Variants in FURIN observed in about 807,000 individuals in gnomAD.
FURIN encodes the protein furin, paired basic amino acid cleaving enzyme.
FURIN carries 18 observed loss-of-function variants against 89.2 expected under a neutral mutation model. The observed-to-expected ratio is 0.20, with a 90% CI of 0.14 to 0.30. The LOEUF is 0.30. FURIN is among the 10% of genes least tolerant of loss of function. The probability of loss-of-function intolerance (pLI) is 1.00; values close to 1 mark genes in which losing one functional copy is unlikely to be tolerated. For missense variants in FURIN, 879 were observed against 1,100.5 expected (o/e 0.80, Z 2.85); for synonymous variants, 508 against 466.4 (o/e 1.09, Z -1.15).
intron 1 of FURIN, among the ~76,000 whole-genome samples, chr15:90,869,964 T>C (rs2031211869): frequency 1.3e-5 from 2 of 152,222 alleles, no homozygotes; most frequent in Admixed American, 1.3e-4. Flanking sequence ...CAACTGTGGC[T>C]GGCGCTACCC....
chr15:90,875,719 G>A lies in FURIN; in HGVS notation c.-22G>A. 2 of 1,518,086 alleles carry A rather than the reference G, an allele frequency of 1.3e-6. No homozygotes were observed. The highest frequency in any genetic ancestry group is 1.8e-6 in the Non-Finnish European group (2 of 1,128,354). The allele number at this position is 1,518,086 out of a possible 1,614,324, so 94.0% of individuals were successfully genotyped here. A position where few individuals can be genotyped will look rare whatever the true frequency, so the allele number is the denominator to read the frequency against. ...AGGCCAAGGAGACGGGCGCTCCAGG[G>A]TCCCAGCCACCTGTCCCCCCCATGG... On this transcript the variant is annotated 5_prime_UTR_variant, in exon 2 of 16. Transcript: ENST00000268171.
chr15:90,877,350 GA>G, intron 6 of FURIN, 139 bp downstream of exon 6: 1 of 937,052 alleles, frequency 1.1e-6, no homozygotes, highest in Non-Finnish European at 1.6e-6. Flanking sequence ...GGCTCTGAGG[GA>G]GGGCTCGGTC....
At position 90,877,231 on chromosome 15, in the gene FURIN, G is replaced by A. The variant is rs757969428; in HGVS notation, c.578+20G>A. 133 of 1,563,146 alleles carry A rather than the reference G, an allele frequency of 8.5e-5. No individual in the cohort carries two copies. Among genetic ancestry groups the A allele is most frequent in the South Asian group, 7.6e-4 (65 of 85,286 alleles). On this transcript the variant is annotated intron_variant, in intron 6 of 15. Transcript: ENST00000268171. ...CAACAGGTAAGAAGTGGCAGGCCCC[G>A]GTCTCTGCCTCCCTTCTCCTTTCTT... is the stretch of plus-strand genomic sequence containing the variant.
Position 90,876,013 on chromosome 15 carries a change from T to A in FURIN, c.177+96T>A. On this transcript the variant is annotated intron_variant, in intron 2 of 15. Transcript: ENST00000268171. The surrounding 1 kb of genome is among the most constrained non-coding windows in gnomAD (Gnocchi z 5.0). ...TGTTGGCCTTGTTTGCTCAGGGGCATCTGGGTAGCCGGCATGTTCTGGGTG... is the reference window on the plus strand; with the variant it reads ...TGTTGGCCTTGTTTGCTCAGGGGCAACTGGGTAGCCGGCATGTTCTGGGTG... 9.0e-7 allele frequency: 1 copy of A among 1,114,992 alleles called. No individual in the cohort carries two copies. The highest frequency in any genetic ancestry group is 1.3e-6 in the Non-Finnish European group (1 of 790,604). 69.1% of individuals were successfully genotyped at this position (1,114,992 alleles called of 1,614,324 possible). A position where few individuals can be genotyped will look rare whatever the true frequency, so the allele number is the denominator to read the frequency against.
At chr15:90,877,106 TCTC>T (rs2031675058) in intron 5 of FURIN, 26 bp from the exon 6 acceptor site, 4 of 1,609,786 alleles carry the variant, frequency 2.5e-6, no homozygotes, top group African/African-American at 1.3e-5. Context: ...AGGTCAGCCT[TCTC>T]CTGATGGTGG....
intron 5 of FURIN, 43 bp from the exon 6 acceptor site, chr15:90,877,092 A>G (rs1268110824): frequency 6.2e-7 from 1 of 1,610,098 alleles, no homozygotes; most frequent in Non-Finnish European, 8.5e-7. Context: ...TTGTTCTATC[A>G]GTGAGGTCAG....
intron 1 of FURIN, chr15:90,871,709 G>A (rs1474607384): frequency 6.7e-6 from 1 of 149,248 alleles, no homozygotes; most frequent in Non-Finnish European, 1.5e-5. Flanking sequence ...CTCTGCCCCA[G>A]GAGCGGGCTC....
In FURIN at chr15:90,881,043, C is replaced by T. The variant is rs746449325; in HGVS notation, c.1792+3C>T. On this transcript the variant is annotated splice_donor_region_variant and intron_variant, in intron 15 of 15. Coordinates refer to ENST00000268171, the MANE Select transcript of FURIN (RefSeq NM_002569.4). The surrounding 1 kb of genome is among the most constrained non-coding windows in gnomAD (Gnocchi z 4.3). ...CACGTCCAGTCAGGCCTGTGTGGGT[C>T]AGTAGTGGGTGCTGTTGGGCTTTGG... 2.5e-6 allele frequency: 4 copies of T among 1,601,306 alleles called. No individual in the cohort carries two copies. Among genetic ancestry groups the T allele is most frequent in the East Asian group, 2.2e-5 (1 of 44,800 alleles).
At chr15:90,870,412 C>T (rs2031229798) in intron 1 of FURIN, among the ~76,000 whole-genome samples, 1 of 152,010 alleles carries the variant, frequency 6.6e-6, no homozygotes, top group African/African-American at 2.4e-5. Flanking sequence ...GAGGATAAAA[C>T]GGGTTGACAC....
rs758145918 is a variant in FURIN at position 90,880,783 on chromosome 15, A to T, written c.1649A>T (p.Glu550Val). ...GATCCCTCTGGCGAGTGGGTCCTAG[A>T]GATTGAAAACACCAGCGAAGCCAAC... ...DEDPSGEWVLEIENTSEANNY... is the reference protein window; with the variant it reads ...DEDPSGEWVLVIENTSEANNY... The change falls in exon 14 of 16, where the codon GAG becomes GTG. Residue 550 changes from glutamate to valine, a missense_variant. Around this residue, in one of 5 missense-constraint regions of FURIN, gnomAD observed 457 missense variants for 490.7 expected, o/e 0.93. Transcript: ENST00000268171. 24 of 1,613,898 alleles carry T rather than the reference A, an allele frequency of 1.5e-5. No individual in the cohort carries two copies. The highest frequency in any genetic ancestry group is 2.0e-5 in the Non-Finnish European group (24 of 1,179,906).
Position 90,881,061 on chromosome 15 carries a change from G to T in FURIN, c.1792+21G>T, listed in dbSNP as rs1440320378. 3 of 1,544,768 alleles carry T rather than the reference G, an allele frequency of 1.9e-6. No individual in the cohort carries two copies. The highest frequency in any genetic ancestry group is 2.7e-6 in the Non-Finnish European group (3 of 1,116,722). On this transcript the variant is annotated intron_variant, in intron 15 of 15. Transcript: ENST00000268171. The surrounding 1 kb of genome is among the most constrained non-coding windows in gnomAD (Gnocchi z 4.3). Reference sequence around the variant, plus strand: ...TGTGGGTCAGTAGTGGGTGCTGTTGGGCTTTGGGGGCCTGAGTCTGGGGGT... The same window carrying T: ...TGTGGGTCAGTAGTGGGTGCTGTTGTGCTTTGGGGGCCTGAGTCTGGGGGT...
At chr15:90,879,354 C>T in intron 9 of FURIN, 90 bp from the exon 10 acceptor site, 1 of 962,298 alleles carries the variant, frequency 1.0e-6, no homozygotes, top group Non-Finnish European at 1.7e-6. Context: ...CTGTGGTGCC[C>T]AGGGCCTGTA....
intron 8 of FURIN, 85 bp downstream of exon 8, chr15:90,878,389 T>A: frequency 8.8e-7 from 1 of 1,131,788 alleles, no homozygotes; most frequent in Non-Finnish European, 1.2e-6. Flanking sequence ...TTGTTTTATT[T>A]ATTCTCATGT....
Position 90,876,193 on chromosome 15 carries a change from T to C in FURIN, c.178-62T>C. 9.0e-7 allele frequency: 1 copy of C among 1,108,328 alleles called. No homozygotes were observed. The highest frequency in any genetic ancestry group is 1.2e-5 in the South Asian group (1 of 80,612). 68.7% of individuals were successfully genotyped at this position (1,108,328 alleles called of 1,614,324 possible). ...CCCATGAAGCCGTTGTCCACCCCCG[T>C]CCCCCGCCTCCCGGGGACTGACAGA... On this transcript the variant is annotated intron_variant, in intron 2 of 15. Transcript: ENST00000268171. This position sits in a 1 kb window ranked among gnomAD's most constrained non-coding sequence, Gnocchi z 5.0.
In FURIN at chr15:90,876,433, C is replaced by A. The variant is rs750650271; in HGVS notation, c.277-29C>A. Reference sequence around the variant, plus strand: ...AGCCCCTCTCGCCTCCTGCTCCACCCACACCATCTCTCCCTCACTCCCCCA... The same window carrying A: ...AGCCCCTCTCGCCTCCTGCTCCACCAACACCATCTCTCCCTCACTCCCCCA... On this transcript the variant is annotated intron_variant, in intron 3 of 15. Coordinates refer to ENST00000268171, the MANE Select transcript of FURIN (RefSeq NM_002569.4). This position sits in a 1 kb window ranked among gnomAD's most constrained non-coding sequence, Gnocchi z 5.0. 38 of 1,577,924 alleles carry A rather than the reference C, an allele frequency of 2.4e-5. No individual in the cohort carries two copies. In the South Asian group the frequency reaches 3.1e-4, roughly 13 times the overall value.
At position 90,879,683 on chromosome 15, in the gene FURIN, A is replaced by G. The variant is rs750899397; in HGVS notation, c.1167A>G (p.Thr389=). ...TCCTTCTTTGCAGTAAGAACCTCACATGGCGGGACATGCAACACCTGGTGG... is the reference window on the plus strand; with the variant it reads ...TCCTTCTTTGCAGTAAGAACCTCACGTGGCGGGACATGCAACACCTGGTGG... ...ALTLEANKNL[T]WRDMQHLVVQ... The change falls in exon 11 of 16, where the codon ACA becomes ACG. Residue 389 remains threonine (T), a synonymous_variant. Coordinates refer to ENST00000268171, the MANE Select transcript of FURIN (RefSeq NM_002569.4). The G allele has an allele frequency of 1.4e-5, 23 of 1,613,256 alleles. 2 individuals carry two copies. The highest frequency in any genetic ancestry group is 1.6e-4 in the Middle Eastern group (1 of 6,084).
At chr15:90,880,879 G>C in intron 14 of FURIN, 51 bp from the exon 15 acceptor site, 1 of 1,610,244 alleles carries the variant, frequency 6.2e-7, no homozygotes, top group Non-Finnish European at 8.5e-7. Flanking sequence ...CGAGCACTGG[G>C]TGTGGTGCCA....
In FURIN at chr15:90,882,014, C is replaced by T; in HGVS notation, c.*136C>T. The T allele has an allele frequency of 1.5e-6, 1 of 673,578 alleles. No homozygotes were observed. The highest frequency in any genetic ancestry group is 2.5e-6 in the Non-Finnish European group (1 of 393,724). The allele number at this position is 673,578 out of a possible 1,614,324, so 41.7% of individuals were successfully genotyped here. On this transcript the variant is annotated 3_prime_UTR_variant, in exon 16 of 16. Coordinates refer to ENST00000268171, the MANE Select transcript of FURIN (RefSeq NM_002569.4). ...GGGGTGGAGACTGCTTCCCATCCTACCCTCGGGCCCACCTGGCCACCTGAG... is the reference window on the plus strand; with the variant it reads ...GGGGTGGAGACTGCTTCCCATCCTATCCTCGGGCCCACCTGGCCACCTGAG...
At chr15:90,880,495 G>C (rs955235806) in intron 13 of FURIN, among the ~76,000 whole-genome samples, 196 bp from the exon 14 acceptor site, 1 of 152,186 alleles carries the variant, frequency 6.6e-6, no homozygotes, top group African/African-American at 2.4e-5. Flanking sequence ...ACCTTGTGCG[G>C]TGCCTGTGTA....
Sources: gnomAD v4.1 joint callset for allele counts (sites outside exome capture counted in the v4.1 genomes callset) on GRCh38, gnomAD v4.1.1 for gene constraint, gnomAD v4.1.1 regional missense constraint, Gnocchi (gnomAD v3.1) non-coding constraint, MANE v1.5 for transcripts, NCBI Gene and HGNC (gene_info 2026-07-23, HGNC 2026-07-21) for gene names.